ZNF587B: variants seen among roughly 807,000 people sequenced by gnomAD.
ZNF587B encodes the protein zinc finger protein 587B.
Under a neutral mutation model 7.2 loss-of-function variants are expected in ZNF587B, and 6 were observed. The observed-to-expected ratio is 0.83, with a 90% confidence interval of 0.46 to 1.65. ZNF587B has a LOEUF of 1.65. Among genes scored for constraint, ZNF587B ranks in the 40% most tolerant of loss-of-function variants. ZNF587B has a pLI of 0.01. For missense variants in ZNF587B, 749 were observed against 761.0 expected, an observed-to-expected ratio of 0.98 and a Z score of 0.19; for synonymous variants, 274 against 254.3, an observed-to-expected ratio of 1.08 and a Z score of -0.74.
In ZNF587B at chr19:57,842,677, T is replaced by A; in HGVS notation, c.*101T>A. 3 of 1,346,616 alleles carry A rather than the reference T, an allele frequency of 2.2e-6. No homozygotes were observed. The highest frequency in any genetic ancestry group is 2.8e-6 in the Non-Finnish European group (3 of 1,054,420). The allele number at this position is 1,346,616 out of a possible 1,614,324, so 83.4% of individuals were successfully genotyped here. Reference sequence around the variant, plus strand: ...GTGGAAAATGTTTACCCAAAAGAAGTCTGCTCTCCTTGGACATTGGAGAGT... The same window carrying A: ...GTGGAAAATGTTTACCCAAAAGAAGACTGCTCTCCTTGGACATTGGAGAGT... On this transcript the variant is annotated 3_prime_UTR_variant, in exon 3 of 3. Coordinates refer to ENST00000594901, the MANE Select transcript of ZNF587B (RefSeq NM_001376223.1).
Position 57,839,055 on chromosome 19 carries a change from A to C in ZNF587B, c.69A>C (p.Lys23Asn), listed in dbSNP as rs750540123. 2.2e-5 allele frequency: 35 copies of C among 1,613,962 alleles called. No homozygotes were observed. The highest frequency in any genetic ancestry group is 2.7e-5 in the Non-Finnish European group (32 of 1,180,012). ...TGACTTTTGAAGACGTGGCTGTGAA[A>C]TTTACCCAGGAGGAATGGAATCTCC... is the stretch of plus-strand genomic sequence containing the variant. ...GTVTFEDVAV[K>N]FTQEEWNLLS... Residue 23 changes from lysine to asparagine, a missense_variant, in exon 2 of 3, where the codon AAA becomes AAC. By Grantham distance (94) the Lys-to-Asn change is moderately conservative. Around this residue, in one of 3 missense-constraint regions of ZNF587B, gnomAD observed 72 missense variants for 147.8 expected, o/e 0.49. Transcript: ENST00000594901.
chr19:57,839,281 G>A, intron 2 of ZNF587B, 132 bp downstream of exon 2: 1 of 1,427,514 alleles, frequency 7.0e-7, no homozygotes, highest in Non-Finnish European at 9.4e-7. Context: ...TAGGTTCTTG[G>A]TTGTAGGACT....
intron 2 of ZNF587B, among the ~76,000 whole-genome samples, chr19:57,840,164 G>A (rs1988785165): frequency 2.0e-5 from 3 of 149,120 alleles, no homozygotes; most frequent in Non-Finnish European, 4.4e-5. Context: ...AAGCATACCA[G>A]GAACCTATTC....
chr19:57,840,075 CAAAAAAAA>C (rs774635301), intron 2 of ZNF587B, among the ~76,000 whole-genome samples: 37 of 81,098 alleles, frequency 4.6e-4, no homozygotes, highest in African/African-American at 1.3e-3. Flanking sequence ...ACTCTGTCTC[CAAAAAAAA>C]AAAAAAAAAA....
Position 57,830,448 on chromosome 19 carries a change from G to C in ZNF587B, c.-81G>C. On this transcript the variant is annotated 5_prime_UTR_variant, in exon 1 of 3. Transcript: ENST00000594901. ...CGGCGCCAAGCGTGACCCACCCCTGGGCCAGGATAGGGACCGTCATGCCCA... is the reference window on the plus strand; with the variant it reads ...CGGCGCCAAGCGTGACCCACCCCTGCGCCAGGATAGGGACCGTCATGCCCA... 2 of 1,492,208 alleles carry C rather than the reference G, an allele frequency of 1.3e-6. No individual in the cohort carries two copies. The highest frequency in any genetic ancestry group is 1.8e-6 in the Non-Finnish European group (2 of 1,101,226). 92.4% of individuals were successfully genotyped at this position (1,492,208 alleles called of 1,614,324 possible).
intron 2 of ZNF587B, among the ~76,000 whole-genome samples, chr19:57,840,326 C>G (rs940158436): frequency 6.6e-6 from 1 of 151,840 alleles, no homozygotes; most frequent in African/African-American, 2.4e-5. Flanking sequence ...GAACTCGTAC[C>G]CTAATATCCA....
At position 57,842,009 on chromosome 19, in the gene ZNF587B, A is replaced by G. The variant is rs538002651; in HGVS notation, c.1335A>G (p.Lys445=). The G allele has an allele frequency of 1.2e-5, 19 of 1,601,066 alleles. No homozygotes were observed. The South Asian group carries it at 1.9e-4, about 16-fold the overall frequency. ...CTTATAAGTGTGGGGAATGTGGGAA[A>G]TGTTTTAGTCACAAGGGTAACCTCA... ...ERPYKCGECG[K]CFSHKGNLIL... The change falls in exon 3 of 3, where the codon AAA becomes AAG. Residue 445 remains lysine, a synonymous_variant. Coordinates refer to ENST00000594901, the MANE Select transcript of ZNF587B (RefSeq NM_001376223.1).
chr19:57,843,730 T>A lies in ZNF587B; in HGVS notation c.*1154T>A. 3.2e-6 allele frequency: 1 copy of A among 308,958 alleles called. No homozygotes were observed. The highest frequency in any genetic ancestry group is 4.7e-6 in the Non-Finnish European group (1 of 212,524). The allele number at this position is 308,958 out of a possible 1,614,324, so 19.1% of individuals were successfully genotyped here. A position where few individuals can be genotyped will look rare whatever the true frequency, so the allele number is the denominator to read the frequency against. On this transcript the variant is annotated 3_prime_UTR_variant, in exon 3 of 3. Coordinates refer to ENST00000594901, the MANE Select transcript of ZNF587B (RefSeq NM_001376223.1). ...AATTCTCCTTTCTCAGCCTCCTGAG[T>A]AGCTGGGATTACAGGTGCCTGCCAC...
chr19:57,843,556 T>G lies in ZNF587B; in HGVS notation c.*980T>G, dbSNP rs982486319. 16 of 970,738 alleles carry G rather than the reference T, an allele frequency of 1.6e-5. No individual in the cohort carries two copies. The highest frequency in any genetic ancestry group is 6.3e-5 in the Admixed American group (1 of 15,768). 60.1% of individuals were successfully genotyped at this position (970,738 alleles called of 1,614,324 possible). Reference sequence around the variant, plus strand: ...ATTCACGAGAGATTTTTTTTTTAAGTTTTTTGTTTGGTTGGTTGGTTGGTT... The same window carrying G: ...ATTCACGAGAGATTTTTTTTTTAAGGTTTTTGTTTGGTTGGTTGGTTGGTT... On this transcript the variant is annotated 3_prime_UTR_variant, in exon 3 of 3. Coordinates refer to ENST00000594901, the MANE Select transcript of ZNF587B (RefSeq NM_001376223.1).
chr19:57,840,301 G>A (rs1391410903), intron 2 of ZNF587B, among the ~76,000 whole-genome samples: 1 of 151,530 alleles, frequency 6.6e-6, no homozygotes. Flanking sequence ...TTTAAGCTTT[G>A]ACCTACTTGT....
intron 2 of ZNF587B, among the ~76,000 whole-genome samples, chr19:57,840,356 C>T (rs1988792535): frequency 6.6e-6 from 1 of 152,088 alleles, no homozygotes; most frequent in South Asian, 2.1e-4. Context: ...CTAATCTTCA[C>T]ATCTCTGGAC....
At position 57,845,185 on chromosome 19, in the gene ZNF587B, G is replaced by GACT. The variant is rs1311556785; in HGVS notation, c.*2610_*2612dup. 1.3e-5 allele frequency: 2 copies of GACT among 152,170 alleles called. No homozygotes were observed. The highest frequency in any genetic ancestry group is 2.4e-5 in the African/African-American group (1 of 41,430). 9.4% of individuals were successfully genotyped at this position (152,170 alleles called of 1,614,324 possible). On this transcript the variant is annotated 3_prime_UTR_variant, in exon 3 of 3. Coordinates refer to ENST00000594901, the MANE Select transcript of ZNF587B (RefSeq NM_001376223.1). ...GAGACGGGTTTCACCGTGTTGCACA[G>GACT]ACTGGTCTTGAATTCAACTCTTGAG...
rs567563143 is a variant in ZNF587B, at chr19:57,846,032, C to T, written c.*3456C>T. 1.3e-5 allele frequency: 2 copies of T among 152,254 alleles called. No homozygotes were observed. The highest frequency in any genetic ancestry group is 1.9e-4 in the East Asian group (1 of 5,186). The allele number at this position is 152,254 out of a possible 1,614,324, so 9.4% of individuals were successfully genotyped here. ...CACATATTTGAGCTGTAGGATAAGT[C>T]TTGAATTTTATTATAATCCCGTGAA... On this transcript the variant is annotated 3_prime_UTR_variant, in exon 3 of 3. Transcript: ENST00000594901.
At chr19:57,840,657 C>T (rs1028813588) in intron 2 of ZNF587B, among the ~76,000 whole-genome samples, 181 bp from the exon 3 acceptor site, 2 of 152,186 alleles carry the variant, frequency 1.3e-5, no homozygotes, top group African/African-American at 4.8e-5. Flanking sequence ...AGGCCTCCTA[C>T]ATTCTGTGAC....
intron 1 of ZNF587B, among the ~76,000 whole-genome samples, chr19:57,836,466 G>A (rs1014724691): frequency 1.3e-5 from 2 of 152,250 alleles, no homozygotes; most frequent in South Asian, 4.1e-4. Context: ...ACCACAAATG[G>A]CTGAGTGCAA....
In ZNF587B at chr19:57,843,454, T is replaced by A; in HGVS notation, c.*878T>A. 1 of 985,414 alleles carries A rather than the reference T, an allele frequency of 1.0e-6. No homozygotes were observed. Among genetic ancestry groups the A allele is most frequent in the Non-Finnish European group, 1.2e-6 (1 of 829,928 alleles). 61.0% of individuals were successfully genotyped at this position (985,414 alleles called of 1,614,324 possible). On this transcript the variant is annotated 3_prime_UTR_variant, in exon 3 of 3. Coordinates refer to ENST00000594901, the MANE Select transcript of ZNF587B (RefSeq NM_001376223.1). ...CACTTATCTGGCAAAAGCCATTACATCTCAGCTACTTGGTAGGTACCCACA... is the reference window on the plus strand; with the variant it reads ...CACTTATCTGGCAAAAGCCATTACAACTCAGCTACTTGGTAGGTACCCACA...
In ZNF587B at chr19:57,832,200, C is replaced by T. The variant is rs556038921; in HGVS notation, c.36+1636C>T. Among the ~76,000 whole-genome samples, 151 of 152,206 alleles carry T rather than the reference C, an allele frequency of 9.9e-4. 1 individual carries two copies. The highest frequency in any genetic ancestry group is 3.4e-3 in the African/African-American group (142 of 41,542). ...CTCCCGGGTTCATGCCATTCTCCTG[C>T]CTCAGCCTCCCGAGTAGCTGGGACT... On this transcript the variant is annotated intron_variant, in intron 1 of 2. Coordinates refer to ENST00000594901, the MANE Select transcript of ZNF587B (RefSeq NM_001376223.1).
Position 57,841,446 on chromosome 19 carries a change from A to G in ZNF587B, c.772A>G (p.Ser258Gly), listed in dbSNP as rs1001962175. The part of the protein sequence containing the change: ...GKSFSKYVSF[S>G]NHQRVHSGKR... ...ATCCTTTAGCAAATATGTTAGCTTC[A>G]GTAATCATCAGAGAGTTCACAGTGG... Residue 258 changes from serine (S) to glycine (G), a missense_variant, in exon 3 of 3, where the codon AGT becomes GGT. Physicochemically the swap from Ser to Gly is moderately conservative, Grantham distance 56. This residue lies in a region of ZNF587B where 656 missense variants were observed against 596.5 expected (regional missense o/e 1.10). Coordinates refer to ENST00000594901, the MANE Select transcript of ZNF587B (RefSeq NM_001376223.1). The G allele has an allele frequency of 4.4e-6, 7 of 1,585,282 alleles. No individual in the cohort carries two copies. The highest frequency in any genetic ancestry group is 6.0e-6 in the Non-Finnish European group (7 of 1,164,734).
At position 57,843,608 on chromosome 19, in the gene ZNF587B, T is replaced by TG. The variant is rs1030749440; in HGVS notation, c.*1032_*1033insG. ...GTTGGTTGTTTTTTTTTGTTTTTTT[T>TG]TTTTTTTTTTTTGGAGACAAAGTTT... is the stretch of plus-strand genomic sequence containing the variant. On this transcript the variant is annotated 3_prime_UTR_variant, in exon 3 of 3. Coordinates refer to ENST00000594901, the MANE Select transcript of ZNF587B (RefSeq NM_001376223.1). The TG allele has an allele frequency of 1.9e-5, 17 of 916,924 alleles. No homozygotes were observed. Among genetic ancestry groups the TG allele is most frequent in the Middle Eastern group, 5.5e-4 (1 of 1,808 alleles). The allele number at this position is 916,924 out of a possible 1,614,324, so 56.8% of individuals were successfully genotyped here. A position where few individuals can be genotyped will look rare whatever the true frequency, so the allele number is the denominator to read the frequency against.
Sources: gnomAD v4.1 joint callset for allele counts (sites outside exome capture counted in the v4.1 genomes callset) on GRCh38, gnomAD v4.1.1 for gene constraint, gnomAD v4.1.1 regional missense constraint, MANE v1.5 for transcripts, NCBI Gene and HGNC (gene_info 2026-07-23, HGNC 2026-07-21) for gene names.